CELF2: variants seen among roughly 807,000 people sequenced by gnomAD.
CELF2 encodes CUG triplet repeat RNA-binding protein 2.
In CELF2, 8 loss-of-function variants were observed where a neutral mutation model predicts 62.6. That is an observed-to-expected ratio of 0.13 (90% CI 0.07 to 0.23). CELF2 has a LOEUF of 0.23. CELF2 is among the 10% of genes least tolerant of loss of function. CELF2 has a pLI of 1.00. For missense variants in CELF2, 333 were observed against 671.0 expected, an observed-to-expected ratio of 0.50 and a Z score of 5.56; for synonymous variants, 258 against 250.0, an observed-to-expected ratio of 1.03 and a Z score of -0.30.
intron 1 of CELF2, among the ~76,000 whole-genome samples, chr10:11,042,201 T>C (rs74749716): frequency 4.9e-3 from 752 of 152,362 alleles, no homozygotes; most frequent in Non-Finnish European, 8.1e-3. Flanking sequence ...CCTTTCAAAT[T>C]TGTTATTATT....
chr10:10,947,639 TA>T lies in CELF2; in HGVS notation c.89+27641del, dbSNP rs1432490303. On this transcript the variant is annotated intron_variant, in intron 2 of 13. Transcript: ENST00000636488. The surrounding 1 kb of genome is among the most constrained non-coding windows in gnomAD (Gnocchi z 4.1). ...TAGAACAATGCCTGGCTTTCAAGTT[TA>T]CAGAATAAAGAAATGTATGAGGGGA... 3 of 152,574 alleles carry T rather than the reference TA, an allele frequency of 2.0e-5. No homozygotes were observed. Among genetic ancestry groups the T allele is most frequent in the Non-Finnish European group, 2.9e-5 (2 of 68,030 alleles). The allele number at this position is 152,574 out of a possible 1,614,324, so 9.5% of individuals were successfully genotyped here. A position where few individuals can be genotyped will look rare whatever the true frequency, so the allele number is the denominator to read the frequency against.
chr10:10,570,913 GC>G, the CELF2 span, among the ~76,000 whole-genome samples: 2 of 152,158 alleles, frequency 1.3e-5, no homozygotes, highest in Admixed American at 1.3e-4. Context: ...AAGATGAGTA[GC>G]TTTTTTGAGG....
chr10:11,322,198 G>A (rs950256252), intron 11 of CELF2, among the ~76,000 whole-genome samples: 1 of 152,212 alleles, frequency 6.6e-6, no homozygotes. Flanking sequence ...CTATGAGTGT[G>A]TGGCCGGCTC....
At chr10:10,603,784 T>TAC in the CELF2 span, among the ~76,000 whole-genome samples, 43,688 of 148,424 alleles carry the variant, frequency 0.29, 6,554 homozygotes, top group East Asian at 0.56. Flanking sequence ...TATTTACACA[T>TAC]ACACACACAC....
chr10:10,653,209 T>C, the CELF2 span, among the ~76,000 whole-genome samples: 1 of 152,100 alleles, frequency 6.6e-6, no homozygotes, highest in African/African-American at 2.4e-5. Context: ...GAACCAAGAT[T>C]CATAAAGCAA....
chr10:10,612,247 C>T, the CELF2 span, among the ~76,000 whole-genome samples: 7 of 152,122 alleles, frequency 4.6e-5, no homozygotes, highest in Non-Finnish European at 8.8e-5. Context: ...CAGATCCAGT[C>T]GTACATTCCA....
At chr10:10,939,544 C>T (rs1400290353) in intron 2 of CELF2, among the ~76,000 whole-genome samples, 3 of 152,008 alleles carry the variant, frequency 2.0e-5, no homozygotes. Context: ...CCTTGGCCTC[C>T]CAAAGTGCTG....
At chr10:10,720,402 A>C in the CELF2 span, among the ~76,000 whole-genome samples, 3 of 152,106 alleles carry the variant, frequency 2.0e-5, no homozygotes, top group African/African-American at 7.2e-5. Context: ...CCTTTGGGTG[A>C]TCGCGTAAAT....
the CELF2 span, among the ~76,000 whole-genome samples, chr10:10,627,411 C>T: frequency 2.6e-5 from 4 of 152,120 alleles, no homozygotes; most frequent in Admixed American, 6.5e-5. Flanking sequence ...CCTTCTGTAC[C>T]GGATCAGTTT....
chr10:10,847,945 A>C (rs1021311950), intron 1 of CELF2, among the ~76,000 whole-genome samples: 3 of 152,238 alleles, frequency 2.0e-5, no homozygotes, highest in Non-Finnish European at 4.4e-5. Context: ...ATTAAAGTAC[A>C]TTTAATTTCA....
At chr10:10,644,402 C>CGTGTGTGTGT in the CELF2 span, among the ~76,000 whole-genome samples, 23 of 149,968 alleles carry the variant, frequency 1.5e-4, no homozygotes, top group South Asian at 8.5e-4. Context: ...AGTGTGTGTT[C>CGTGTGTGTGT]GTGTGTGTGT....
At chr10:10,732,031 C>T in the CELF2 span, among the ~76,000 whole-genome samples, 1 of 152,086 alleles carries the variant, frequency 6.6e-6, no homozygotes, top group Admixed American at 6.6e-5. Context: ...GTTACAAGTT[C>T]CTGATACCCC....
chr10:10,757,723 A>T, the CELF2 span, among the ~76,000 whole-genome samples: 1 of 152,206 alleles, frequency 6.6e-6, no homozygotes, highest in Non-Finnish European at 1.5e-5. Flanking sequence ...TTGGATCTAC[A>T]CCTGTGGCTT....
At chr10:11,158,903 A>C (rs1200990463) in intron 1 of CELF2, among the ~76,000 whole-genome samples, 2 of 152,204 alleles carry the variant, frequency 1.3e-5, no homozygotes, top group Admixed American at 1.3e-4. Context: ...CATTCTTAAG[A>C]AACTATTTTT....
the CELF2 span, among the ~76,000 whole-genome samples, chr10:10,557,680 T>C: frequency 1.3e-5 from 2 of 151,780 alleles, no homozygotes; most frequent in African/African-American, 4.8e-5. Flanking sequence ...GGAATGTTCT[T>C]CCATTTGTTT....
chr10:11,257,388 A>G (rs889752208), intron 4 of CELF2, among the ~76,000 whole-genome samples: 7 of 150,910 alleles, frequency 4.6e-5, no homozygotes, highest in Admixed American at 3.9e-4. Flanking sequence ...AAATATCCCC[A>G]GAGAATGGTA....
At chr10:10,820,283 G>C (rs927094721) in intron 1 of CELF2, among the ~76,000 whole-genome samples, 1 of 152,004 alleles carries the variant, frequency 6.6e-6, no homozygotes, top group Non-Finnish European at 1.5e-5. Flanking sequence ...TCTTTTCTGT[G>C]GGTATCCTGT....
intron 2 of CELF2, among the ~76,000 whole-genome samples, chr10:11,212,268 TG>T (rs2062036746): frequency 6.6e-6 from 1 of 152,188 alleles, no homozygotes; most frequent in Non-Finnish European, 1.5e-5. Context: ...TTTCCATACC[TG>T]TCTCCTTCTC....
chr10:11,203,209 C>CA (rs1210388859), intron 2 of CELF2, among the ~76,000 whole-genome samples: 1 of 152,138 alleles, frequency 6.6e-6, no homozygotes, highest in African/African-American at 2.4e-5. Context: ...TGCTCTTCCT[C>CA]AGACAAAACC....
Sources: gnomAD v4.1 joint callset for allele counts (sites outside exome capture counted in the v4.1 genomes callset) on GRCh38, gnomAD v4.1.1 for gene constraint, Gnocchi (gnomAD v3.1) non-coding constraint, MANE v1.5 for transcripts, NCBI Gene and HGNC (gene_info 2026-07-23, HGNC 2026-07-21) for gene names.